CDH12: variants seen among roughly 807,000 people sequenced by gnomAD.
CDH12 encodes the protein cadherin 12, also known as cadherin-12.
Under a neutral mutation model 74.1 loss-of-function variants are expected in CDH12, and 41 were observed. The observed-to-expected ratio is 0.55, with a 90% confidence interval of 0.43 to 0.72. The LOEUF (loss-of-function observed/expected upper bound fraction) is 0.72. Ranked by LOEUF, CDH12 falls within the 30% of genes least tolerant of loss-of-function variation. CDH12 has a pLI of 0.00. For synonymous variants in CDH12, 399 were observed against 355.0 expected (o/e 1.12, Z -1.39); for missense variants, 945 against 977.2 (o/e 0.97, Z 0.44).
chr5:22,409,188 T>G (rs537539144), intron 2 of CDH12, among the ~76,000 whole-genome samples: 272 of 152,180 alleles, frequency 1.8e-3, no homozygotes, highest in Middle Eastern at 3.4e-3. Context: ...CGTCTTGATA[T>G]TAAAGGCTTC....
intron 3 of CDH12, among the ~76,000 whole-genome samples, chr5:22,391,675 A>G (rs1742255365): frequency 6.6e-6 from 1 of 152,108 alleles, no homozygotes; most frequent in African/African-American, 2.4e-5. Context: ...GACTGATAAA[A>G]TTTTTAAAAA....
At chr5:22,413,783 T>C (rs1053194275) in intron 2 of CDH12, among the ~76,000 whole-genome samples, 5 of 152,108 alleles carry the variant, frequency 3.3e-5, no homozygotes, top group East Asian at 1.9e-4. Context: ...TTACTTTTTT[T>C]CCCGATTTTT....
chr5:22,463,356 A>G (rs1282833174), intron 2 of CDH12, among the ~76,000 whole-genome samples: 1 of 152,196 alleles, frequency 6.6e-6, no homozygotes, highest in Non-Finnish European at 1.5e-5. Flanking sequence ...AATGCTAAGT[A>G]TCCTGTAAAT....
chr5:22,323,829 G>T (rs1240810352), intron 3 of CDH12, among the ~76,000 whole-genome samples: 1 of 152,122 alleles, frequency 6.6e-6, no homozygotes, highest in Non-Finnish European at 1.5e-5. Flanking sequence ...TACATCACAA[G>T]CTAGAGTTAT....
At chr5:22,843,284 C>A (rs1009477933) in intron 1 of CDH12, among the ~76,000 whole-genome samples, 1 of 151,974 alleles carries the variant, frequency 6.6e-6, no homozygotes, top group Admixed American at 6.6e-5. Context: ...GTGACATGAA[C>A]TAATGGACCA....
intron 4 of CDH12, among the ~76,000 whole-genome samples, chr5:22,133,711 A>G (rs1204802928): frequency 6.6e-6 from 1 of 152,114 alleles, no homozygotes; most frequent in African/African-American, 2.4e-5. Context: ...AAAATGGTTA[A>G]ATTTGTTTAT....
At chr5:22,718,604 G>A (rs1743711048) in intron 1 of CDH12, among the ~76,000 whole-genome samples, 1 of 152,174 alleles carries the variant, frequency 6.6e-6, no homozygotes, top group South Asian at 2.1e-4. Context: ...TGCCCACTGT[G>A]TAGTATAACA....
chr5:22,253,680 T>C (rs1366024825), intron 3 of CDH12, among the ~76,000 whole-genome samples: 1 of 151,792 alleles, frequency 6.6e-6, no homozygotes, highest in Non-Finnish European at 1.5e-5. Context: ...GAGGTCCAAA[T>C]ACTCTCTTCC....
intron 6 of CDH12, among the ~76,000 whole-genome samples, chr5:21,866,848 C>T (rs531544499): frequency 1.3e-5 from 2 of 152,236 alleles, no homozygotes; most frequent in Admixed American, 1.3e-4. Context: ...AAGCCCCTCC[C>T]ATCACAGATC....
chr5:22,220,012 A>G (rs973864503), intron 3 of CDH12, among the ~76,000 whole-genome samples: 4 of 151,810 alleles, frequency 2.6e-5, no homozygotes, highest in East Asian at 1.9e-4. Flanking sequence ...ATTATGTCCA[A>G]TTGGATGCAG....
intron 3 of CDH12, among the ~76,000 whole-genome samples, chr5:22,241,993 G>T (rs1239663777): frequency 1.3e-5 from 2 of 151,998 alleles, no homozygotes; most frequent in Non-Finnish European, 2.9e-5. Context: ...GACAGATATG[G>T]TAATAAGGTC....
chr5:21,763,511 CTT>C (rs925911009), intron 12 of CDH12, among the ~76,000 whole-genome samples: 26 of 152,046 alleles, frequency 1.7e-4, no homozygotes, highest in African/African-American at 5.8e-4. Context: ...AATATCAAGA[CTT>C]ATTTCAAGTA....
chr5:22,162,371 C>T (rs1048415002), intron 4 of CDH12, among the ~76,000 whole-genome samples: 1 of 152,180 alleles, frequency 6.6e-6, no homozygotes, highest in Non-Finnish European at 1.5e-5. Flanking sequence ...TCCCACACAC[C>T]CTTACTTGGA....
intron 2 of CDH12, among the ~76,000 whole-genome samples, chr5:22,491,622 C>CCA (rs66717974): frequency 7.4e-6 from 1 of 135,640 alleles, no homozygotes; most frequent in East Asian, 2.1e-4. Context: ...AAAAAAAAAA[C>CCA]AAAAAAAAAA....
intron 4 of CDH12, among the ~76,000 whole-genome samples, chr5:22,193,160 T>G (rs1386558875): frequency 6.6e-6 from 1 of 152,162 alleles, no homozygotes; most frequent in African/African-American, 2.4e-5. Context: ...TTGTTTGTTT[T>G]TGTTTGTTTG....
intron 1 of CDH12, among the ~76,000 whole-genome samples, chr5:22,534,214 T>A (rs1737721707): frequency 6.6e-6 from 1 of 152,118 alleles, no homozygotes; most frequent in African/African-American, 2.4e-5. Context: ...ATTTTTTTAT[T>A]TCCGTAGGTT....
chr5:22,113,507 C>G (rs367733990), intron 4 of CDH12, among the ~76,000 whole-genome samples: 6 of 152,182 alleles, frequency 3.9e-5, no homozygotes, highest in African/African-American at 1.4e-4. Context: ...TTAAATTTAC[C>G]TATAGCCTGG....
intron 1 of CDH12, among the ~76,000 whole-genome samples, chr5:22,657,762 G>A (rs752012776): frequency 1.1e-4 from 16 of 151,992 alleles, no homozygotes; most frequent in South Asian, 4.1e-4. Flanking sequence ...AAAATGAGGC[G>A]GAAAGAAAAT....
At chr5:22,695,474 T>A (rs899555108) in intron 1 of CDH12, among the ~76,000 whole-genome samples, 1 of 152,112 alleles carries the variant, frequency 6.6e-6, no homozygotes, top group African/African-American at 2.4e-5. Flanking sequence ...AAGTCTACAA[T>A]CATCTGATCT....
Sources: allele counts gnomAD v4.1 joint callset (sites outside exome capture counted in the v4.1 genomes callset), GRCh38; gene constraint gnomAD v4.1.1; transcripts MANE v1.5; gene names NCBI Gene and HGNC (gene_info 2026-07-23, HGNC 2026-07-21).